The following GRM5 variants were observed in gnomAD, a reference collection of about 807,000 sequenced individuals.
GRM5 encodes glutamate metabotropic receptor 5, also known as metabotropic glutamate receptor 5.
Under a neutral mutation model 83.1 loss-of-function variants are expected in GRM5, and 19 were observed. That is an observed-to-expected ratio of 0.23 (90% CI 0.16 to 0.34). GRM5 has a LOEUF of 0.34. Ranked by LOEUF, GRM5 falls within the 10% of genes least tolerant of loss-of-function variation. The pLI, the probability that GRM5 is intolerant of heterozygous loss-of-function variation, is 1.00. For synonymous variants in GRM5, 675 were observed against 633.6 expected (o/e 1.07, Z -0.98); for missense variants, 1,160 against 1,588.3 (o/e 0.73, Z 4.58).
chr11:88,867,702 T>C (rs1944696105), intron 2 of GRM5, among the ~76,000 whole-genome samples: 1 of 151,440 alleles, frequency 6.6e-6, no homozygotes, highest in African/African-American at 2.4e-5. Context: ...GATTAAGAAA[T>C]AGACATGCAC....
At chr11:88,801,712 T>A (rs1318906219) in intron 3 of GRM5, among the ~76,000 whole-genome samples, 2 of 152,136 alleles carry the variant, frequency 1.3e-5, no homozygotes, top group Non-Finnish European at 2.9e-5. Context: ...TAGAATAACT[T>A]GACTTCTTTC....
intron 3 of GRM5, among the ~76,000 whole-genome samples, chr11:88,710,076 G>A (rs1941249675): frequency 6.6e-6 from 1 of 152,098 alleles, no homozygotes; most frequent in East Asian, 1.9e-4. Flanking sequence ...AATTACCTGA[G>A]CTAATGTATC....
At position 88,687,574 on chromosome 11, in the gene GRM5, T is replaced by G. The variant is rs545904025; in HGVS notation, c.912-34171A>C. 3.6e-3 allele frequency among the ~76,000 whole-genome samples: 120 copies of G among 33,648 alleles called. 30 individuals carry two copies. Among genetic ancestry groups the G allele is most frequent in the African/African-American group, 0.02 (99 of 4,940 alleles). 22.1% of individuals were successfully genotyped at this position (33,648 alleles called of 152,430 possible). ...CACACATATATATTATATATATATA[T>G]ATATAATATATATATATATATATTC... On this transcript the variant is annotated intron_variant, in intron 3 of 9. Transcript: ENST00000305447.
At chr11:88,987,116 G>C (rs1433561977) in intron 2 of GRM5, among the ~76,000 whole-genome samples, 1 of 152,032 alleles carries the variant, frequency 6.6e-6, no homozygotes, top group East Asian at 1.9e-4. Context: ...TCTCACTAGG[G>C]AGTGCCAGAC....
At chr11:88,966,721 A>G (rs948391689) in intron 2 of GRM5, among the ~76,000 whole-genome samples, 3 of 152,178 alleles carry the variant, frequency 2.0e-5, no homozygotes, top group African/African-American at 4.8e-5. Context: ...CATGGACTTC[A>G]ATGGACTTTC....
chr11:88,862,849 T>A (rs1944589767), intron 2 of GRM5, among the ~76,000 whole-genome samples: 1 of 152,144 alleles, frequency 6.6e-6, no homozygotes, highest in Non-Finnish European at 1.5e-5. Flanking sequence ...TAGGGAAAAA[T>A]GTTTACAATC....
chr11:88,864,558 A>G (rs1944626726), intron 2 of GRM5, among the ~76,000 whole-genome samples: 1 of 152,050 alleles, frequency 6.6e-6, no homozygotes, highest in Admixed American at 6.6e-5. Context: ...TTATTAGCAT[A>G]AGGAGATTTT....
At chr11:88,686,952 C>A (rs1940641549) in intron 3 of GRM5, among the ~76,000 whole-genome samples, 1 of 152,106 alleles carries the variant, frequency 6.6e-6, no homozygotes, top group South Asian at 2.1e-4. Context: ...TCTACTAAAC[C>A]CACAGAGAAC....
chr11:88,736,428 G>A (rs1377302064), intron 3 of GRM5, among the ~76,000 whole-genome samples: 1 of 152,046 alleles, frequency 6.6e-6, no homozygotes, highest in Non-Finnish European at 1.5e-5. Context: ...CTCTTTGCAA[G>A]TGGCTAGATG....
At chr11:88,582,935 C>T (rs904758887) in intron 7 of GRM5, among the ~76,000 whole-genome samples, 13 of 151,970 alleles carry the variant, frequency 8.6e-5, no homozygotes, top group African/African-American at 2.4e-4. Context: ...ATTTCTTTTC[C>T]ACCAGTTTTG....
intron 3 of GRM5, among the ~76,000 whole-genome samples, chr11:88,742,993 C>A (rs1286174651): frequency 1.3e-5 from 2 of 152,002 alleles, no homozygotes; most frequent in Non-Finnish European, 1.5e-5. Flanking sequence ...AGGATATAGC[C>A]CCCGACAAAT....
chr11:88,831,343 T>C (rs1459507027), intron 3 of GRM5, among the ~76,000 whole-genome samples: 7 of 152,314 alleles, frequency 4.6e-5, no homozygotes, highest in Admixed American at 4.6e-4. Context: ...ATCTCACTTG[T>C]AGCCACCACT....
At chr11:88,931,866 CTCTGATATATAAACACATTAT>C (rs1218114156) in intron 2 of GRM5, among the ~76,000 whole-genome samples, 1 of 152,086 alleles carries the variant, frequency 6.6e-6, no homozygotes, top group African/African-American at 2.4e-5. Flanking sequence ...TCGCTACTGT[CTCTGATATATAAACACATTAT>C]ATATGTCATG....
chr11:89,024,426 T>C (rs1340418339), intron 2 of GRM5, among the ~76,000 whole-genome samples: 1 of 152,224 alleles, frequency 6.6e-6, no homozygotes, highest in African/African-American at 2.4e-5. Context: ...AGGATCTTCA[T>C]AGCAAAAATA....
chr11:88,770,641 A>G (rs2135449443), intron 3 of GRM5, among the ~76,000 whole-genome samples: 1 of 152,242 alleles, frequency 6.6e-6, no homozygotes, highest in Admixed American at 6.6e-5. Context: ...ATTTATTACT[A>G]TGTGATGGAT....
chr11:88,868,165 G>T (rs1044599798), intron 2 of GRM5, among the ~76,000 whole-genome samples: 1 of 151,812 alleles, frequency 6.6e-6, no homozygotes, highest in Non-Finnish European at 1.5e-5. Context: ...TCTGGCACAG[G>T]ATAGACACTC....
intron 3 of GRM5, among the ~76,000 whole-genome samples, chr11:88,744,877 A>C (rs1942101582): frequency 6.6e-6 from 1 of 152,308 alleles, no homozygotes; most frequent in African/African-American, 2.4e-5. Flanking sequence ...TAAGTCCTAC[A>C]TACTCCAGAA....
At chr11:89,021,323 C>T (rs1565338820) in intron 2 of GRM5, among the ~76,000 whole-genome samples, 1 of 152,112 alleles carries the variant, frequency 6.6e-6, no homozygotes, top group Non-Finnish European at 1.5e-5. Context: ...CTGCACAAGC[C>T]TCTTTAAAAT....
At position 89,047,188 on chromosome 11, in the gene GRM5, T is replaced by A. The variant is rs2135150729; in HGVS notation, c.661+24A>T. ...CTGTTGAGTGCATAATAATATATAC[T>A]CGATGTATGCAAAGGAAACTTACCT... is the stretch of plus-strand genomic sequence containing the variant. On this transcript the variant is annotated intron_variant, in intron 2 of 9. Coordinates refer to ENST00000305447, the MANE Select transcript of GRM5 (RefSeq NM_001143831.3). This position sits in a 1 kb window ranked among gnomAD's most constrained non-coding sequence, Gnocchi z 5.1. 1 of 1,546,660 alleles carries A rather than the reference T, an allele frequency of 6.5e-7. No homozygotes were observed. The highest frequency in any genetic ancestry group is 1.2e-5 in the South Asian group (1 of 84,700).
Sources: allele counts gnomAD v4.1 joint callset (sites outside exome capture counted in the v4.1 genomes callset), GRCh38; gene constraint gnomAD v4.1.1; non-coding constraint Gnocchi (gnomAD v3.1); transcripts MANE v1.5; gene names NCBI Gene and HGNC (gene_info 2026-07-23, HGNC 2026-07-21).